USP12: variants seen among roughly 807,000 people sequenced by gnomAD.
USP12 encodes ubiquitin carboxyl-terminal hydrolase 12.
USP12 carries 19 observed loss-of-function variants against 45.5 expected under a neutral mutation model. That is an observed-to-expected ratio of 0.42 (90% CI 0.29 to 0.61). USP12 has a LOEUF of 0.61. Ranked by LOEUF, USP12 falls within the 20% of genes least tolerant of loss-of-function variation. The pLI, the probability that USP12 is intolerant of heterozygous loss-of-function variation, is 0.22. For synonymous variants in USP12, 149 were observed against 148.8 expected (o/e 1.00, Z -0.01); for missense variants, 242 against 447.7 (o/e 0.54, Z 4.15).
intron 1 of USP12, among the ~76,000 whole-genome samples, chr13:27,144,165 C>A (rs1314911242): frequency 6.6e-6 from 1 of 151,978 alleles, no homozygotes; most frequent in Non-Finnish European, 1.5e-5. Flanking sequence ...CACCACTGCA[C>A]TCCAGCCTGG....
At chr13:27,140,501 C>CT (rs1393733268) in intron 1 of USP12, among the ~76,000 whole-genome samples, 2 of 152,132 alleles carry the variant, frequency 1.3e-5, no homozygotes, top group African/African-American at 4.8e-5. Context: ...GGCACAATAA[C>CT]AATAGTGTAA....
intron 1 of USP12, among the ~76,000 whole-genome samples, chr13:27,144,140 T>G (rs1409304340): frequency 6.6e-6 from 1 of 151,870 alleles, no homozygotes; most frequent in African/African-American, 2.4e-5. Context: ...GGAGCTGAAG[T>G]TGGAGCCGAG....
At chr13:27,074,699 T>C (rs1391717389) in intron 7 of USP12, among the ~76,000 whole-genome samples, 1 of 152,208 alleles carries the variant, frequency 6.6e-6, no homozygotes, top group East Asian at 1.9e-4. Flanking sequence ...GTGTATACCA[T>C]GTTGGAAAAG....
intron 6 of USP12, among the ~76,000 whole-genome samples, chr13:27,084,342 C>T (rs1183318607): frequency 6.6e-6 from 1 of 151,518 alleles, no homozygotes; most frequent in Non-Finnish European, 1.5e-5. Context: ...CCCGTCTCTA[C>T]TAAAAATACA....
intron 1 of USP12, among the ~76,000 whole-genome samples, chr13:27,125,900 G>C (rs185750486): frequency 6.6e-6 from 1 of 152,246 alleles, no homozygotes; most frequent in Non-Finnish European, 1.5e-5. Context: ...GCTTGGCAGG[G>C]GGAGGGGCGT....
At chr13:27,126,722 A>G (rs957993301) in intron 1 of USP12, among the ~76,000 whole-genome samples, 6 of 152,336 alleles carry the variant, frequency 3.9e-5, no homozygotes, top group Admixed American at 3.3e-4. Flanking sequence ...CCAAAATGCT[A>G]CAATTCTAAA....
chr13:27,167,897 G>A (rs1190940304), intron 1 of USP12, among the ~76,000 whole-genome samples: 6 of 151,982 alleles, frequency 3.9e-5, no homozygotes, highest in Non-Finnish European at 8.8e-5. Flanking sequence ...CCCTTACCTG[G>A]ATCCCAGTGA....
chr13:27,102,955 T>C (rs1593185116), intron 3 of USP12, among the ~76,000 whole-genome samples: 1 of 152,248 alleles, frequency 6.6e-6, no homozygotes, highest in African/African-American at 2.4e-5. Flanking sequence ...CTGTACTCTA[T>C]GCAGGAGCAC....
chr13:27,146,868 A>G (rs1877331380), intron 1 of USP12, among the ~76,000 whole-genome samples: 1 of 152,370 alleles, frequency 6.6e-6, no homozygotes, highest in Non-Finnish European at 1.5e-5. Context: ...TCATGAAGGT[A>G]ATTCCTAATC....
intron 8 of USP12, among the ~76,000 whole-genome samples, chr13:27,070,357 G>A (rs959431319): frequency 6.6e-6 from 1 of 152,172 alleles, no homozygotes. Flanking sequence ...CTGCGGTGTT[G>A]AAAATGAATT....
chr13:27,104,419 C>A (rs992002343), intron 3 of USP12, among the ~76,000 whole-genome samples: 1 of 152,106 alleles, frequency 6.6e-6, no homozygotes, highest in Non-Finnish European at 1.5e-5. Flanking sequence ...AAGGACAAAA[C>A]TTTTAAAGTT....
At position 27,090,144 on chromosome 13, in the gene USP12, A is replaced by C; in HGVS notation, c.588T>G (p.Asp196Glu). The change falls in exon 5 of 9, where the codon GAT (aspartate) becomes GAG (glutamate). Residue 196 changes from aspartate (D) to glutamate (E), a missense_variant. Coordinates refer to ENST00000282344, the MANE Select transcript of USP12 (RefSeq NM_182488.4). The stretch of plus-strand genomic sequence containing the variant: ...CAACAGAAAGGTCTAAAAAATCTTC[A>C]TCTTTGCTGCTTATCTGTAAAAACA... ...CLTCETISSK[D>E]EDFLDLSVDV... The C allele has an allele frequency of 6.3e-7, 1 of 1,577,616 alleles. No individual in the cohort carries two copies. Among genetic ancestry groups the C allele is most frequent in the Non-Finnish European group, 8.7e-7 (1 of 1,154,598 alleles).
chr13:27,072,416 T>A (rs982783246), intron 7 of USP12, among the ~76,000 whole-genome samples: 2 of 152,078 alleles, frequency 1.3e-5, no homozygotes, highest in Non-Finnish European at 2.9e-5. Flanking sequence ...TTTCATAAAC[T>A]AAAAATGAAA....
intron 1 of USP12, among the ~76,000 whole-genome samples, chr13:27,155,059 T>A (rs1183473268): frequency 7.7e-6 from 1 of 130,638 alleles, no homozygotes; most frequent in African/African-American, 2.9e-5. Context: ...TTTTCTGATG[T>A]CCACAACTTT....
intron 1 of USP12, among the ~76,000 whole-genome samples, chr13:27,144,834 C>A (rs1322958558): frequency 6.7e-6 from 1 of 149,994 alleles, no homozygotes; most frequent in Non-Finnish European, 1.5e-5. Context: ...TCGAAACAGG[C>A]AGATCCTTTA....
intron 3 of USP12, among the ~76,000 whole-genome samples, chr13:27,098,377 C>G (rs1334851396): frequency 6.7e-6 from 1 of 150,030 alleles, no homozygotes; most frequent in Admixed American, 6.6e-5. Flanking sequence ...AAAAAAAAAC[C>G]CTTTACAAAA....
intron 2 of USP12, among the ~76,000 whole-genome samples, chr13:27,109,072 G>A (rs1875294260): frequency 6.6e-6 from 1 of 152,106 alleles, no homozygotes; most frequent in Non-Finnish European, 1.5e-5. Flanking sequence ...GATTCATCTT[G>A]CCTTTCTTAT....
At chr13:27,104,898 T>C (rs1395217330) in intron 3 of USP12, among the ~76,000 whole-genome samples, 1 of 152,228 alleles carries the variant, frequency 6.6e-6, no homozygotes, top group Non-Finnish European at 1.5e-5. Flanking sequence ...CTTTCTACAA[T>C]GATTAAAATG....
At chr13:27,125,631 G>C (rs1194542538) in intron 1 of USP12, among the ~76,000 whole-genome samples, 1 of 152,230 alleles carries the variant, frequency 6.6e-6, no homozygotes, top group African/African-American at 2.4e-5. Context: ...TCCACGGAGG[G>C]TGAGCGGAAG....
Sources: allele counts gnomAD v4.1 joint callset (sites outside exome capture counted in the v4.1 genomes callset), GRCh38; gene constraint gnomAD v4.1.1; transcripts MANE v1.5; gene names NCBI Gene and HGNC (gene_info 2026-07-23, HGNC 2026-07-21).